Variants in LIFR observed in about 807,000 individuals in gnomAD.
LIFR encodes the protein leukemia inhibitory factor receptor.
In LIFR, 84 loss-of-function variants were observed where a neutral mutation model predicts 122.2. The observed-to-expected ratio is 0.69, with a 90% CI of 0.58 to 0.82. LIFR has a LOEUF of 0.82. LIFR is among the 40% of genes least tolerant of loss of function. LIFR has a pLI of 0.00. For synonymous variants in LIFR, 422 were observed against 434.7 expected (o/e 0.97, Z 0.36); for missense variants, 1,294 against 1,311.6 (o/e 0.99, Z 0.21).
In LIFR at chr5:38,481,352, T is replaced by G; in HGVS notation, c.*243A>C. 1.8e-6 allele frequency: 1 copy of G among 562,278 alleles called. No individual in the cohort carries two copies. Among genetic ancestry groups the G allele is most frequent in the Non-Finnish European group, 3.2e-6 (1 of 313,974 alleles). The allele number at this position is 562,278 out of a possible 1,614,324, so 34.8% of individuals were successfully genotyped here. On this transcript the variant is annotated 3_prime_UTR_variant, in exon 20 of 20. Transcript: ENST00000453190. ...TGAAGGTAGAGTACATGAGAATTCT[T>G]TGGCTTGATCACAAAGAGCTCCCAA...
chr5:38,497,524 T>C (rs989456818), intron 12 of LIFR, among the ~76,000 whole-genome samples: 29 of 152,224 alleles, frequency 1.9e-4, no homozygotes, highest in African/African-American at 7.0e-4. Context: ...AAACAAAACA[T>C]TTTAAAAAAT....
At chr5:38,534,335 T>A (rs898554531) in intron 1 of LIFR, among the ~76,000 whole-genome samples, 1 of 152,106 alleles carries the variant, frequency 6.6e-6, no homozygotes, top group Non-Finnish European at 1.5e-5. Flanking sequence ...GTGTAGGGGC[T>A]CTTCAAGTTA....
intron 3 of LIFR, among the ~76,000 whole-genome samples, chr5:38,528,409 G>GGAC (rs1746806555): frequency 6.6e-6 from 1 of 152,078 alleles, no homozygotes; most frequent in Non-Finnish European, 1.5e-5. Context: ...CACTAAGACC[G>GGAC]TCCTTCCCTG....
In LIFR at chr5:38,499,912, C is replaced by T. The variant is rs79887760; in HGVS notation, c.1601-329G>A. On this transcript the variant is annotated intron_variant, in intron 11 of 19. Transcript: ENST00000453190. ...AGATATGCCAAAGACACAACTGCCT[C>T]AGGCTCTCTGCATCTTCTGTGCCCT... 2.0e-4 allele frequency among the ~76,000 whole-genome samples: 31 copies of T among 152,278 alleles called. 1 individual carries two copies. Among genetic ancestry groups the T allele is most frequent in the South Asian group, 6.2e-4 (3 of 4,826 alleles).
intron 1 of LIFR, among the ~76,000 whole-genome samples, chr5:38,606,884 C>T (rs1410312854): frequency 2.0e-5 from 3 of 152,262 alleles, no homozygotes; most frequent in Admixed American, 2.0e-4. Context: ...AAACCACTTA[C>T]ATCACACAAT....
At chr5:38,591,258 G>A (rs1341873810) in intron 1 of LIFR, among the ~76,000 whole-genome samples, 2 of 152,246 alleles carry the variant, frequency 1.3e-5, no homozygotes, top group Non-Finnish European at 2.9e-5. Flanking sequence ...TCTGGGCCAT[G>A]TCACATTTTA....
chr5:38,563,751 G>A (rs1748915130), intron 1 of LIFR, among the ~76,000 whole-genome samples: 1 of 152,142 alleles, frequency 6.6e-6, no homozygotes, highest in Non-Finnish European at 1.5e-5. Context: ...CAGGCAAAGA[G>A]GTTCACTAAC....
At chr5:38,582,603 A>G (rs1288705055) in intron 1 of LIFR, among the ~76,000 whole-genome samples, 1 of 152,220 alleles carries the variant, frequency 6.6e-6, no homozygotes, top group African/African-American at 2.4e-5. Context: ...CAAGTGATCT[A>G]TTAAAAAGAC....
Position 38,502,809 on chromosome 5 carries a change from A to C in LIFR, c.1438-10T>G. On this transcript the variant is annotated splice_polypyrimidine_tract_variant and intron_variant, in intron 10 of 19. Coordinates refer to ENST00000453190, the MANE Select transcript of LIFR (RefSeq NM_001127671.2). ...TGATTGTGACATTCCGCTATTGGAA[A>C]ACAAATAAATATATATATATGTATA... The C allele has an allele frequency of 6.8e-7, 1 of 1,465,156 alleles. No homozygotes were observed. The highest frequency in any genetic ancestry group is 9.4e-7 in the Non-Finnish European group (1 of 1,062,934). The allele number at this position is 1,465,156 out of a possible 1,614,324, so 90.8% of individuals were successfully genotyped here.
intron 16 of LIFR, among the ~76,000 whole-genome samples, chr5:38,488,250 G>A (rs929610551): frequency 2.0e-5 from 3 of 152,156 alleles, no homozygotes; most frequent in East Asian, 3.9e-4. Context: ...CTTGGGGACC[G>A]AAGGGGAGGC....
intron 5 of LIFR, among the ~76,000 whole-genome samples, chr5:38,512,858 A>G (rs2112502490): frequency 6.6e-6 from 1 of 152,310 alleles, no homozygotes; most frequent in African/African-American, 2.4e-5. Context: ...TTGCACTTTC[A>G]AAAGCTTAAG....
intron 1 of LIFR, among the ~76,000 whole-genome samples, chr5:38,536,311 A>G (rs1222833797): frequency 6.6e-6 from 1 of 152,208 alleles, no homozygotes; most frequent in Non-Finnish European, 1.5e-5. Flanking sequence ...ATATTCAGAA[A>G]ACAAAACCAA....
chr5:38,571,454 C>G (rs376990139), intron 1 of LIFR, among the ~76,000 whole-genome samples: 1 of 140,336 alleles, frequency 7.1e-6, no homozygotes, highest in East Asian at 2.2e-4. Context: ...ACTTAAGAGG[C>G]TGGGGCAGGA....
Position 38,490,237 on chromosome 5 carries a change from T to C in LIFR, c.2120A>G (p.Gln707Arg). 6.3e-7 allele frequency: 1 copy of C among 1,588,232 alleles called. No individual in the cohort carries two copies. Among genetic ancestry groups the C allele is most frequent in the Non-Finnish European group, 8.6e-7 (1 of 1,158,714 alleles). The change falls in exon 15 of 20, where the codon CAA becomes CGA. Residue 707 changes from glutamine (Q) to arginine (R), a missense_variant. By Grantham distance (43) the Gln-to-Arg change is conservative. Transcript: ENST00000453190. ...CATGGAGCGTAATAATTGATATCCT[T>C]GATTTCTGCATCCATACAGGAAAAA... is the stretch of plus-strand genomic sequence containing the variant. ...YNFFLYGCRNQGYQLLRSMIG... is the reference protein window; with the variant it reads ...YNFFLYGCRNRGYQLLRSMIG...
rs1483433899 is a variant in LIFR, at chr5:38,510,526, C to G, written c.929G>C (p.Ser310Thr). The G allele has an allele frequency of 1.2e-6, 2 of 1,613,746 alleles. No individual in the cohort carries two copies. Among genetic ancestry groups the G allele is most frequent in the Admixed American group, 1.7e-5 (1 of 59,986 alleles). Residue 310 changes from serine (S) to threonine (T), a missense_variant, in exon 7 of 20, where the codon AGT becomes ACT. Transcript: ENST00000453190. Reference protein sequence around the residue: ...KIRNISVSASSGTNVVFTTED... With the variant: ...KIRNISVSASTGTNVVFTTED... ...GGTTGTAAAAACTACATTTGTTCCA[C>G]TACTTGCAGAAACAGAAATATTACG...
At chr5:38,499,690 A>T (rs987695829) in intron 11 of LIFR, 107 bp from the exon 12 acceptor site, 14 of 795,874 alleles carry the variant, frequency 1.8e-5, no homozygotes, top group Non-Finnish European at 3.1e-5. Flanking sequence ...AACGTGAAGC[A>T]GTTCAGTGGC....
In LIFR at chr5:38,499,416, C is replaced by A. The variant is rs75694723; in HGVS notation, c.1671+97G>T. 120 of 835,420 alleles carry A rather than the reference C, an allele frequency of 1.4e-4. 1 individual carries two copies. The African/African-American group carries it at 1.8e-3, about 12-fold the overall frequency. The allele number at this position is 835,420 out of a possible 1,614,324, so 51.8% of individuals were successfully genotyped here. A position where few individuals can be genotyped will look rare whatever the true frequency, so the allele number is the denominator to read the frequency against. ...CACCAATATTGCAACAAAAGCCAGT[C>A]TGGGAAGTTTCAGCTCCTTGATAAC... On this transcript the variant is annotated intron_variant, in intron 12 of 19. Coordinates refer to ENST00000453190, the MANE Select transcript of LIFR (RefSeq NM_001127671.2).
At chr5:38,533,363 A>G (rs1747120436) in intron 1 of LIFR, among the ~76,000 whole-genome samples, 1 of 152,228 alleles carries the variant, frequency 6.6e-6, no homozygotes, top group Admixed American at 6.5e-5. Flanking sequence ...CTTTACACAT[A>G]TGCTGACTTC....
intron 1 of LIFR, among the ~76,000 whole-genome samples, chr5:38,533,672 C>A (rs895204430): frequency 2.0e-5 from 3 of 152,182 alleles, no homozygotes; most frequent in African/African-American, 4.8e-5. Flanking sequence ...GTTCCCCTGT[C>A]CCCCAACCCC....
Sources: gnomAD v4.1 joint callset for allele counts (sites outside exome capture counted in the v4.1 genomes callset) on GRCh38, gnomAD v4.1.1 for gene constraint, MANE v1.5 for transcripts, NCBI Gene and HGNC (gene_info 2026-07-23, HGNC 2026-07-21) for gene names.